CREBBP: variants seen among roughly 807,000 people sequenced by gnomAD.
CREBBP encodes CREB-binding protein.
Under a neutral mutation model 265.0 loss-of-function variants are expected in CREBBP, and 19 were observed. The observed-to-expected ratio is 0.07, with a 90% confidence interval of 0.05 to 0.11. The LOEUF (loss-of-function observed/expected upper bound fraction) is 0.11, where lower values mean the gene tolerates loss of function less well. Among genes scored for constraint, CREBBP ranks in the 10% least tolerant of loss-of-function variants. The pLI is 1.00. For synonymous variants in CREBBP, 1,457 were observed against 1,223.7 expected (o/e 1.19, Z -3.98); for missense variants, 2,525 against 3,219.0 (o/e 0.78, Z 5.22).
intron 28 of CREBBP, among the ~76,000 whole-genome samples, chr16:3,733,617 C>T (rs2051975826): frequency 6.6e-6 from 1 of 152,114 alleles, no homozygotes; most frequent in Non-Finnish European, 1.5e-5. Flanking sequence ...ACTCTGTGCT[C>T]AATTTTTGTG....
chr16:3,803,784 G>A (rs1382816468), intron 3 of CREBBP, among the ~76,000 whole-genome samples: 3 of 151,558 alleles, frequency 2.0e-5, no homozygotes, highest in Non-Finnish European at 4.4e-5. Flanking sequence ...ACAGCACAAA[G>A]AAAACCTATA....
intron 2 of CREBBP, among the ~76,000 whole-genome samples, chr16:3,849,444 T>C (rs1184421544): frequency 8.0e-5 from 2 of 24,878 alleles, no homozygotes; most frequent in Non-Finnish European, 1.6e-4. Context: ...TGTGTGTGTG[T>C]GTGTGTGTGT....
intron 2 of CREBBP, among the ~76,000 whole-genome samples, chr16:3,816,824 G>C (rs1483861823): frequency 6.6e-6 from 1 of 152,154 alleles, no homozygotes; most frequent in African/African-American, 2.4e-5. Context: ...GGATGCAGCG[G>C]AAGGACCCAA....
rs1214602415 is a variant in CREBBP at position 3,773,893 on chromosome 16, T to C, written c.2321A>G (p.Asn774Ser). 6 of 1,612,098 alleles carry C rather than the reference T, an allele frequency of 3.7e-6. No individual in the cohort carries two copies. The East Asian group carries it at 6.7e-5, about 18-fold the overall frequency. Reference protein sequence around the residue: ...ISPSRMPQPPNMMGAHTNNMM... With the variant: ...ISPSRMPQPPSMMGAHTNNMM... ...GTTGTTGGTGTGTGCACCCATCATG[T>C]TCGGAGGCTGAGGCATTCGGGAAGG... The change falls in exon 13 of 31, where the codon AAC becomes AGC. Residue 774 changes from asparagine (N) to serine (S), a missense_variant. By Grantham distance (46) the Asn-to-Ser change is conservative. This residue lies in a region of CREBBP where 548 missense variants were observed against 533.0 expected (regional missense o/e 1.03). Coordinates refer to ENST00000262367, the MANE Select transcript of CREBBP (RefSeq NM_004380.3).
At chr16:3,757,710 T>C (rs1423039147) in intron 18 of CREBBP, 99 bp downstream of exon 18, 2 of 1,520,454 alleles carry the variant, frequency 1.3e-6, no homozygotes, top group East Asian at 2.3e-5. Flanking sequence ...ATTGCACATA[T>C]GCACTCCCAG....
At chr16:3,730,249 C>A (rs955549247) in intron 30 of CREBBP, among the ~76,000 whole-genome samples, 2 of 152,196 alleles carry the variant, frequency 1.3e-5, no homozygotes, top group East Asian at 3.8e-4. Flanking sequence ...CAGCCCCCTT[C>A]CTTCCGACTT....
intron 23 of CREBBP, 197 bp from the exon 24 acceptor site, chr16:3,740,746 C>T (rs1397383594): frequency 3.0e-5 from 21 of 691,784 alleles, no homozygotes; most frequent in Non-Finnish European, 4.3e-5. Context: ...GGATCTCAGG[C>T]ACTCCACTCC....
intron 1 of CREBBP, 27 bp downstream of exon 1, chr16:3,879,805 C>A: frequency 6.4e-7 from 1 of 1,560,134 alleles, no homozygotes; most frequent in Non-Finnish European, 8.7e-7. Context: ...CGCCCCGGGC[C>A]CCCGCCGCCC....
intron 16 of CREBBP, among the ~76,000 whole-genome samples, chr16:3,761,024 G>C (rs528058410): frequency 9.9e-5 from 15 of 152,018 alleles, no homozygotes; most frequent in Admixed American, 1.3e-4. Context: ...GCGTGATCTT[G>C]GCTCACTGCA....
chr16:3,836,055 G>T (rs2054442580), intron 2 of CREBBP, among the ~76,000 whole-genome samples: 1 of 152,050 alleles, frequency 6.6e-6, no homozygotes. Flanking sequence ...AGCAAAAGAA[G>T]CCTTATAAAA....
At position 3,744,975 on chromosome 16, in the gene CREBBP, G is replaced by A; in HGVS notation, c.3915-14C>T. On this transcript the variant is annotated splice_polypyrimidine_tract_variant and intron_variant, in intron 22 of 30. Transcript: ENST00000262367. ...TCGCACACAAAACTGCAAAATAATA[G>A]TGGTATGATGAGACTGTATATAATG... The A allele has an allele frequency of 6.3e-7, 1 of 1,588,346 alleles. No homozygotes were observed. Among genetic ancestry groups the A allele is most frequent in the Non-Finnish European group, 8.6e-7 (1 of 1,156,426 alleles).
chr16:3,838,368 C>T (rs562811697), intron 2 of CREBBP, among the ~76,000 whole-genome samples: 39 of 152,204 alleles, frequency 2.6e-4, no homozygotes, highest in Non-Finnish European at 4.7e-4. Context: ...TATGATGTTC[C>T]TAGCATAACA....
At position 3,872,397 on chromosome 16, in the gene CREBBP, C is replaced by T. The variant is rs569135602; in HGVS notation, c.85+7435G>A. ...ACGCCCCGGGGACTCTGCTCGTGGCCTATTGTAGCACCCCTGTCAGCAGAG... is the reference window on the plus strand; with the variant it reads ...ACGCCCCGGGGACTCTGCTCGTGGCTTATTGTAGCACCCCTGTCAGCAGAG... On this transcript the variant is annotated intron_variant, in intron 1 of 30. Transcript: ENST00000262367. 2.0e-5 allele frequency among the ~76,000 whole-genome samples: 3 copies of T among 152,238 alleles called. No homozygotes were observed. The South Asian group carries it at 6.2e-4, about 32-fold the overall frequency.
intron 13 of CREBBP, 172 bp downstream of exon 13, chr16:3,773,579 G>A (rs968942884): frequency 1.0e-5 from 7 of 681,688 alleles, no homozygotes; most frequent in Non-Finnish European, 1.7e-5. Flanking sequence ...AATTCCAAAC[G>A]AGTTAAGGAC....
intron 28 of CREBBP, among the ~76,000 whole-genome samples, chr16:3,732,967 TGA>T (rs1362754386): frequency 6.6e-5 from 10 of 152,082 alleles, no homozygotes; most frequent in African/African-American, 2.4e-4. Context: ...CCCAAAGTGC[TGA>T]GATTACAGGC....
chr16:3,869,110 T>C (rs369910741), intron 1 of CREBBP, among the ~76,000 whole-genome samples: 1 of 152,124 alleles, frequency 6.6e-6, no homozygotes, highest in Non-Finnish European at 1.5e-5. Context: ...CTATCTGCCA[T>C]CTCCTATTCA....
At chr16:3,791,857 G>T in intron 5 of CREBBP, 124 bp downstream of exon 5, 2 of 852,502 alleles carry the variant, frequency 2.3e-6, no homozygotes, top group East Asian at 2.6e-5. Flanking sequence ...GCTGCTGTCC[G>T]CCCTACCTCA....
intron 2 of CREBBP, among the ~76,000 whole-genome samples, chr16:3,847,492 C>T (rs998750230): frequency 2.0e-5 from 3 of 152,154 alleles, no homozygotes; most frequent in African/African-American, 7.2e-5. Context: ...AAGGCAACGA[C>T]ACATCTTTAA....
At chr16:3,849,684 T>C (rs2054785682) in intron 2 of CREBBP, among the ~76,000 whole-genome samples, 1 of 151,708 alleles carries the variant, frequency 6.6e-6, no homozygotes, top group South Asian at 2.1e-4. Flanking sequence ...ATCTGGAGGC[T>C]TCTTAAAGCC....
Sources: gnomAD v4.1 joint callset for allele counts (sites outside exome capture counted in the v4.1 genomes callset) on GRCh38, gnomAD v4.1.1 for gene constraint, gnomAD v4.1.1 regional missense constraint, MANE v1.5 for transcripts, NCBI Gene and HGNC (gene_info 2026-07-23, HGNC 2026-07-21) for gene names.